RGS6: variants seen among roughly 807,000 people sequenced by gnomAD.
The protein encoded by RGS6 is regulator of G protein signaling 6, also known as regulator of G-protein signaling 6.
RGS6 carries 30 observed loss-of-function variants against 78.5 expected under a neutral mutation model. The observed-to-expected ratio is 0.38, with a 90% CI of 0.29 to 0.52. The LOEUF is 0.52. Among genes scored for constraint, RGS6 ranks in the 20% least tolerant of loss-of-function variants. The pLI, the probability that RGS6 is intolerant of heterozygous loss-of-function variation, is 0.85. For missense variants in RGS6, 495 were observed against 609.7 expected, an observed-to-expected ratio of 0.81 and a Z score of 1.98; for synonymous variants, 206 against 206.0, an observed-to-expected ratio of 1.00 and a Z score of 0.00.
At chr14:72,405,985 C>T (rs185749485) in intron 3 of RGS6, among the ~76,000 whole-genome samples, 12 of 152,274 alleles carry the variant, frequency 7.9e-5, no homozygotes, top group African/African-American at 2.6e-4. Flanking sequence ...GGGCTGTCTG[C>T]GTCCAGATGT....
intron 2 of RGS6, among the ~76,000 whole-genome samples, chr14:72,203,464 C>T (rs7144604): frequency 0.013 from 1,971 of 152,284 alleles, 49 homozygotes; most frequent in African/African-American, 0.044. Context: ...TTTGGCTTTG[C>T]TGGGTACCAA....
At chr14:71,973,238 A>G (rs965026207) in intron 2 of RGS6, among the ~76,000 whole-genome samples, 3 of 152,174 alleles carry the variant, frequency 2.0e-5, no homozygotes, top group African/African-American at 7.2e-5. Context: ...TTACTACTTC[A>G]TAGCCTCCTT....
intron 2 of RGS6, among the ~76,000 whole-genome samples, chr14:72,285,159 G>A (rs1271125397): frequency 6.6e-6 from 1 of 152,204 alleles, no homozygotes; most frequent in Non-Finnish European, 1.5e-5. Context: ...CCTGAAATGA[G>A]TTAAGACTTT....
intron 2 of RGS6, among the ~76,000 whole-genome samples, chr14:72,104,687 T>C (rs1418980711): frequency 6.6e-6 from 1 of 152,220 alleles, no homozygotes; most frequent in Admixed American, 6.5e-5. Context: ...TATTATCAAG[T>C]TGATTATAAA....
chr14:72,384,605 A>C (rs115246007), intron 3 of RGS6, among the ~76,000 whole-genome samples: 4,001 of 152,258 alleles, frequency 0.026, 87 homozygotes, highest in Middle Eastern at 0.082. Context: ...CTGAGTGTCA[A>C]ATCCATAGGT....
At chr14:72,514,334 A>C (rs1185296654) in intron 14 of RGS6, among the ~76,000 whole-genome samples, 4 of 152,236 alleles carry the variant, frequency 2.6e-5, no homozygotes, top group Admixed American at 6.5e-5. Context: ...ATTCTAGTTT[A>C]TGAAAAGATA....
intron 2 of RGS6, among the ~76,000 whole-genome samples, chr14:72,021,593 C>T (rs150227587): frequency 4.8e-4 from 72 of 151,548 alleles, no homozygotes; most frequent in African/African-American, 1.3e-3. Flanking sequence ...CTCAGCCTCC[C>T]GAGTAGCTGG....
intron 1 of RGS6, among the ~76,000 whole-genome samples, chr14:71,960,542 G>T (rs534747646): frequency 6.6e-6 from 1 of 152,300 alleles, no homozygotes; most frequent in Non-Finnish European, 1.5e-5. Flanking sequence ...TGCTCTAGGT[G>T]CCAGGGAGAG....
intron 15 of RGS6, among the ~76,000 whole-genome samples, chr14:72,532,688 C>T (rs2097197899): frequency 6.6e-6 from 1 of 152,204 alleles, no homozygotes; most frequent in African/African-American, 2.4e-5. Flanking sequence ...AACCTTATTG[C>T]TGATATGGAG....
intron 3 of RGS6, among the ~76,000 whole-genome samples, chr14:72,454,030 G>T (rs2095565905): frequency 6.6e-6 from 1 of 152,252 alleles, no homozygotes; most frequent in Admixed American, 6.5e-5. Flanking sequence ...GCACAGTGAG[G>T]AGAGGAAAGA....
intron 3 of RGS6, among the ~76,000 whole-genome samples, chr14:72,435,039 C>T (rs2094836500): frequency 6.6e-6 from 1 of 152,210 alleles, no homozygotes; most frequent in South Asian, 2.1e-4. Context: ...CTGTTTGAGC[C>T]TCTAAACTTC....
At chr14:72,373,638 G>C (rs762095618) in intron 3 of RGS6, among the ~76,000 whole-genome samples, 11 of 152,154 alleles carry the variant, frequency 7.2e-5, no homozygotes, top group Non-Finnish European at 1.3e-4. Flanking sequence ...ATGAGTAGGG[G>C]GAGAAGGCTT....
intron 3 of RGS6, among the ~76,000 whole-genome samples, chr14:72,384,525 C>T (rs1321435149): frequency 6.6e-6 from 1 of 152,042 alleles, no homozygotes; most frequent in African/African-American, 2.4e-5. Context: ...TGTTTGCATA[C>T]GTTTCAGTTT....
At chr14:72,011,959 T>G (rs2085849721) in intron 2 of RGS6, among the ~76,000 whole-genome samples, 1 of 152,190 alleles carries the variant, frequency 6.6e-6, no homozygotes, top group Non-Finnish European at 1.5e-5. Flanking sequence ...TTTCTGAAAT[T>G]TTAAGTGTAT....
chr14:72,256,136 A>G (rs921007702), intron 2 of RGS6, among the ~76,000 whole-genome samples: 1 of 152,214 alleles, frequency 6.6e-6, no homozygotes, highest in Non-Finnish European at 1.5e-5. Flanking sequence ...AATGAGAGGC[A>G]TTTCTCAAAT....
intron 2 of RGS6, among the ~76,000 whole-genome samples, chr14:72,051,285 C>T (rs142618644): frequency 6.6e-6 from 1 of 151,914 alleles, no homozygotes; most frequent in Non-Finnish European, 1.5e-5. Context: ...GAAAACAGGG[C>T]TGGCAGTATT....
At chr14:72,628,653 A>C in the RGS6 span, among the ~76,000 whole-genome samples, 1 of 151,988 alleles carries the variant, frequency 6.6e-6, no homozygotes, top group Non-Finnish European at 1.5e-5. Context: ...AGAGAGAGAG[A>C]GAGATGGAGA....
At chr14:71,930,902 G>A (rs940758940), upstream of RGS6, among the ~76,000 whole-genome samples, 1 of 143,270 alleles carries the variant, frequency 7.0e-6, no homozygotes, top group Non-Finnish European at 1.5e-5. Flanking sequence ...GCTTGAACCT[G>A]GGAGGCGGAG....
the RGS6 span, among the ~76,000 whole-genome samples, chr14:71,921,172 A>T: frequency 6.6e-6 from 1 of 152,244 alleles, no homozygotes; most frequent in African/African-American, 2.4e-5. Context: ...CATGCCTATT[A>T]GAATGGCTAT....
Sources: gnomAD v4.1 joint callset for allele counts (sites outside exome capture counted in the v4.1 genomes callset) on GRCh38, gnomAD v4.1.1 for gene constraint, MANE v1.5 for transcripts, NCBI Gene and HGNC (gene_info 2026-07-23, HGNC 2026-07-21) for gene names.